The following UGGT2 variants were observed in gnomAD, a reference collection of about 807,000 sequenced individuals.
UGGT2 encodes the protein UDP-glucose:glycoprotein glucosyltransferase 2.
In UGGT2, 180 loss-of-function variants were observed where a neutral mutation model predicts 192.1. That is an observed-to-expected ratio of 0.94 (90% CI 0.83 to 1.06). UGGT2 has a LOEUF of 1.06. Among genes scored for constraint, UGGT2 ranks in the 50% least tolerant of loss-of-function variants. The probability of loss-of-function intolerance (pLI) is 0.00; values close to 1 mark genes in which losing one functional copy is unlikely to be tolerated. For synonymous variants in UGGT2, 580 were observed against 591.0 expected (o/e 0.98, Z 0.27); for missense variants, 1,849 against 1,795.7 (o/e 1.03, Z -0.54).
chr13:95,821,781 G>A (rs1044089747), intron 38 of UGGT2, among the ~76,000 whole-genome samples: 1 of 152,080 alleles, frequency 6.6e-6, no homozygotes, highest in Non-Finnish European at 1.5e-5. Context: ...TCTATATGTG[G>A]CTTGCAAGTT....
chr13:96,053,373 C>T lies in UGGT2; in HGVS notation c.-61G>A, dbSNP rs2053546673. On this transcript the variant is annotated 5_prime_UTR_variant, in exon 1 of 39. Coordinates refer to ENST00000376747, the MANE Select transcript of UGGT2 (RefSeq NM_020121.4). ...GTACCCACAGTCTGTGGCCGCCACG[C>T]TTCGGCCGGCTCTTCCCGCTGCGCG... 1.3e-6 allele frequency: 2 copies of T among 1,531,228 alleles called. No homozygotes were observed. Among genetic ancestry groups the T allele is most frequent in the Non-Finnish European group, 1.7e-6 (2 of 1,149,608 alleles). The allele number at this position is 1,531,228 out of a possible 1,614,324, so 94.9% of individuals were successfully genotyped here. A position where few individuals can be genotyped will look rare whatever the true frequency, so the allele number is the denominator to read the frequency against.
At chr13:95,904,438 TC>T (rs1483660686) in intron 20 of UGGT2, among the ~76,000 whole-genome samples, 1 of 84,802 alleles carries the variant, frequency 1.2e-5, no homozygotes, top group Non-Finnish European at 2.3e-5. Flanking sequence ...ATGCTATCCC[TC>T]CCCCCTCCCC....
chr13:95,977,203 G>A (rs1418900822), intron 10 of UGGT2, among the ~76,000 whole-genome samples: 1 of 152,134 alleles, frequency 6.6e-6, no homozygotes, highest in Admixed American at 6.6e-5. Flanking sequence ...TGACTAATGG[G>A]ATCTAATCAA....
Position 95,884,670 on chromosome 13 carries a change from A to C in UGGT2, c.3049T>G (p.Phe1017Val), listed in dbSNP as rs375243745. 1 of 1,609,206 alleles carries C rather than the reference A, an allele frequency of 6.2e-7. No individual in the cohort carries two copies. Among genetic ancestry groups the C allele is most frequent in the Non-Finnish European group, 8.5e-7 (1 of 1,178,372 alleles). Residue 1017 changes from phenylalanine to valine, a missense_variant, in exon 27 of 39, where the codon TTT becomes GTT. By Grantham distance (50) the Phe-to-Val change is conservative. Coordinates refer to ENST00000376747, the MANE Select transcript of UGGT2 (RefSeq NM_020121.4). Reference sequence around the variant, plus strand: ...GACATCAGTTCTGGTTCCAGAACAAAACGGTAAAAGCTGTTAATAAAACAT... The same window carrying C: ...GACATCAGTTCTGGTTCCAGAACAACACGGTAAAAGCTGTTAATAAAACAT... ...SEAPLESFYR[F>V]VLEPELMSGA...
Position 95,884,600 on chromosome 13 carries a change from A to C in UGGT2, c.3119T>G (p.Leu1040Trp). Residue 1040 changes from leucine to tryptophan, a missense_variant, in exon 27 of 39, where the codon TTG becomes TGG. Leu to Trp is a moderately conservative substitution (Grantham distance 61, BLOSUM62 -2). Transcript: ENST00000376747. ...TAGGAGGGGTGATTCAGGAATATCC[A>C]AAAATTTTGCCACTGGTCCAAGAGA... ...VSSLGPVAKF[L>W]DIPESPLLIL... 1 of 1,613,966 alleles carries C rather than the reference A, an allele frequency of 6.2e-7. No individual in the cohort carries two copies. The highest frequency in any genetic ancestry group is 2.2e-5 in the East Asian group (1 of 44,844).
At chr13:95,830,928 C>T (rs1484704764) in intron 38 of UGGT2, among the ~76,000 whole-genome samples, 2 of 152,148 alleles carry the variant, frequency 1.3e-5, no homozygotes, top group East Asian at 1.9e-4. Flanking sequence ...CACATATACA[C>T]CACGGAATAC....
At chr13:95,905,756 C>T (rs2048268447) in intron 20 of UGGT2, among the ~76,000 whole-genome samples, 1 of 152,100 alleles carries the variant, frequency 6.6e-6, no homozygotes, top group Admixed American at 6.6e-5. Flanking sequence ...GTTCTTTTGG[C>T]TTAGGATTGA....
At chr13:95,802,857 G>A (rs761689863) in intron 38 of UGGT2, among the ~76,000 whole-genome samples, 8 of 151,388 alleles carry the variant, frequency 5.3e-5, no homozygotes, top group East Asian at 1.9e-4. Flanking sequence ...TTTTTGAGAC[G>A]GAGTCTCACT....
At chr13:96,043,493 A>C (rs2053222644) in intron 1 of UGGT2, among the ~76,000 whole-genome samples, 1 of 152,170 alleles carries the variant, frequency 6.6e-6, no homozygotes, top group Non-Finnish European at 1.5e-5. Context: ...CAAATAGCAC[A>C]ATGAATAGAA....
chr13:95,943,475 G>C (rs1209325577), intron 15 of UGGT2, among the ~76,000 whole-genome samples: 3 of 151,900 alleles, frequency 2.0e-5, no homozygotes, highest in African/African-American at 4.8e-5. Flanking sequence ...AGTCATTACA[G>C]AAAGTACTCT....
chr13:95,893,255 A>G (rs1241340655), intron 24 of UGGT2, among the ~76,000 whole-genome samples: 1 of 152,168 alleles, frequency 6.6e-6, no homozygotes, highest in Non-Finnish European at 1.5e-5. Context: ...ACGGATTTAT[A>G]ACAAGTGTTT....
At chr13:96,000,494 T>C (rs888860401) in intron 5 of UGGT2, among the ~76,000 whole-genome samples, 3 of 152,236 alleles carry the variant, frequency 2.0e-5, no homozygotes, top group Non-Finnish European at 2.9e-5. Context: ...AAAGATAGCA[T>C]GTAGAAACTG....
chr13:95,976,163 CAT>C (rs1004385100), intron 10 of UGGT2, among the ~76,000 whole-genome samples: 1 of 152,156 alleles, frequency 6.6e-6, no homozygotes, highest in Non-Finnish European at 1.5e-5. Context: ...TTAGCTCTCA[CAT>C]ATGAGTAATA....
intron 36 of UGGT2, among the ~76,000 whole-genome samples, chr13:95,846,483 A>C (rs2139991657): frequency 6.6e-6 from 1 of 152,238 alleles, no homozygotes; most frequent in Non-Finnish European, 1.5e-5. Flanking sequence ...TTGATTACTT[A>C]AAACTTTGTT....
chr13:95,972,510 C>A (rs1334903894), intron 11 of UGGT2, 70 bp downstream of exon 11: 1 of 1,281,938 alleles, frequency 7.8e-7, no homozygotes, highest in South Asian at 1.3e-5. Context: ...TTTTGACTTA[C>A]ACTAAATTCA....
At chr13:95,927,709 G>T (rs921167168) in intron 17 of UGGT2, among the ~76,000 whole-genome samples, 2 of 151,630 alleles carry the variant, frequency 1.3e-5, no homozygotes, top group South Asian at 4.2e-4. Context: ...GGTGTTTCTC[G>T]GAGAGGGGGA....
intron 1 of UGGT2, among the ~76,000 whole-genome samples, chr13:96,052,467 G>C (rs565155503): frequency 6.1e-5 from 9 of 148,492 alleles, no homozygotes; most frequent in African/African-American, 2.2e-4. Context: ...ATAAACTATA[G>C]AAATGAAAAA....
chr13:95,859,854 T>C, intron 32 of UGGT2, 179 bp from the exon 33 acceptor site: 1 of 444,930 alleles, frequency 2.2e-6, no homozygotes, highest in Non-Finnish European at 4.0e-6. Flanking sequence ...GGCTTTTAAA[T>C]AATTGAAGGT....
At chr13:95,856,862 T>C (rs1367975507) in intron 33 of UGGT2, among the ~76,000 whole-genome samples, 1 of 152,104 alleles carries the variant, frequency 6.6e-6, no homozygotes, top group African/African-American at 2.4e-5. Context: ...AAATACAAAG[T>C]AGTGATTATG....
Sources: allele counts gnomAD v4.1 joint callset (sites outside exome capture counted in the v4.1 genomes callset), GRCh38; gene constraint gnomAD v4.1.1; transcripts MANE v1.5; gene names NCBI Gene and HGNC (gene_info 2026-07-23, HGNC 2026-07-21).